TXLNA: variants seen among roughly 807,000 people sequenced by gnomAD.
TXLNA encodes the protein alpha-taxilin.
TXLNA carries 9 observed loss-of-function variants against 61.4 expected under a neutral mutation model. The observed-to-expected ratio is 0.15, with a 90% CI of 0.09 to 0.26. The LOEUF (loss-of-function observed/expected upper bound fraction) is 0.26, where lower values mean the gene tolerates loss of function less well. Ranked by LOEUF, TXLNA falls within the 10% of genes least tolerant of loss-of-function variation. The pLI is 1.00. For synonymous variants in TXLNA, 257 were observed against 267.7 expected, an observed-to-expected ratio of 0.96 and a Z score of 0.39; for missense variants, 565 against 688.8, an observed-to-expected ratio of 0.82 and a Z score of 2.01.
At position 32,181,384 on chromosome 1, in the gene TXLNA, G is replaced by A. The variant is rs1323580356; in HGVS notation, c.312G>A (p.Pro104=). 1 of 1,614,196 alleles carries A rather than the reference G, an allele frequency of 6.2e-7. No homozygotes were observed. The highest frequency in any genetic ancestry group is 8.5e-7 in the Non-Finnish European group (1 of 1,180,038). The part of the protein sequence containing the change: ...GPGEDGAQGE[P]AEPEDAEKSR... ...GCGAGGATGGGGCACAGGGTGAGCC[G>A]GCTGAACCCGAAGATGCAGAGAAGT... The change falls in exon 3 of 11, where the codon CCG becomes CCA. Residue 104 remains proline, a synonymous_variant. Coordinates refer to ENST00000373610, the MANE Select transcript of TXLNA (RefSeq NM_175852.4).
Position 32,184,595 on chromosome 1 carries a change from G to A in TXLNA, c.576G>A (p.Leu192=). 1 of 1,613,284 alleles carries A rather than the reference G, an allele frequency of 6.2e-7. No homozygotes were observed. The highest frequency in any genetic ancestry group is 8.5e-7 in the Non-Finnish European group (1 of 1,179,282). The change falls in exon 4 of 11, where the codon CTG becomes CTA. Residue 192 remains leucine (L), a synonymous_variant. Transcript: ENST00000373610. ...LSTPEEKLAA[L]CKKYAELLEE... is the part of the protein sequence containing the mutation. ...CCCCAGAGGAGAAGCTGGCTGCTCTGTGCAAGAAGTATGCTGAACTGGTCA... is the reference window on the plus strand; with the variant it reads ...CCCCAGAGGAGAAGCTGGCTGCTCTATGCAAGAAGTATGCTGAACTGGTCA...
Position 32,195,575 on chromosome 1 carries a change from C to G in TXLNA, c.*380C>G. 1 of 395,308 alleles carries G rather than the reference C, an allele frequency of 2.5e-6. No individual in the cohort carries two copies. The highest frequency in any genetic ancestry group is 4.9e-6 in the Non-Finnish European group (1 of 205,614). 24.5% of individuals were successfully genotyped at this position (395,308 alleles called of 1,614,324 possible). A position where few individuals can be genotyped will look rare whatever the true frequency, so the allele number is the denominator to read the frequency against. On this transcript the variant is annotated 3_prime_UTR_variant, in exon 11 of 11. Transcript: ENST00000373610. ...ATTTGAGGCTCAGACCCCTCCCTGC[C>G]CTTCAGAGCTCAAGACAAGTAATAC...
At position 32,192,824 on chromosome 1, in the gene TXLNA, G is replaced by A; in HGVS notation, c.1158+93G>A. 2 of 1,308,642 alleles carry A rather than the reference G, an allele frequency of 1.5e-6. No individual in the cohort carries two copies. The highest frequency in any genetic ancestry group is 1.8e-5 in the Admixed American group (1 of 56,838). The allele number at this position is 1,308,642 out of a possible 1,614,324, so 81.1% of individuals were successfully genotyped here. A position where few individuals can be genotyped will look rare whatever the true frequency, so the allele number is the denominator to read the frequency against. On this transcript the variant is annotated intron_variant, in intron 8 of 10. Transcript: ENST00000373610. This position sits in a 1 kb window ranked among gnomAD's most constrained non-coding sequence, Gnocchi z 4.2. ...AAATGGGACCCTCATTCTAGGACTG[G>A]CTGTGTCCTGGCTGCTATGACGCCT...
intron 4 of TXLNA, among the ~76,000 whole-genome samples, chr1:32,185,949 C>T (rs1642781334): frequency 6.6e-6 from 1 of 152,118 alleles, no homozygotes; most frequent in African/African-American, 2.4e-5. Flanking sequence ...CCGCCCGTCT[C>T]AGCCTCCCAA....
chr1:32,179,910 T>TGCCTCGCGGCTTGAGGGCGC (rs1642613109), intron 1 of TXLNA, 134 bp downstream of exon 1: 1 of 152,356 alleles, frequency 6.6e-6, no homozygotes, highest in African/African-American at 2.4e-5. Flanking sequence ...TGCGCGGGCG[T>TGCCTCGCGGCTTGAGGGCGC]GCCTCGCGGC....
chr1:32,194,196 G>A, intron 10 of TXLNA, 36 bp downstream of exon 10: 1 of 1,567,374 alleles, frequency 6.4e-7, no homozygotes, highest in Non-Finnish European at 8.8e-7. Context: ...GGGTGGGGGT[G>A]TGCACTTAGC....
chr1:32,182,919 C>A (rs1446678521), intron 3 of TXLNA, among the ~76,000 whole-genome samples: 1 of 149,564 alleles, frequency 6.7e-6, no homozygotes, highest in Non-Finnish European at 1.5e-5. Flanking sequence ...TACAAAAAAT[C>A]AGCCGGGCGT....
rs1204221858 is a variant in TXLNA, at chr1:32,191,168, C to G, written c.963+919C>G. Among the ~76,000 whole-genome samples, 3 of 151,076 alleles carry G rather than the reference C, an allele frequency of 2.0e-5. 1 individual carries two copies. Among genetic ancestry groups the G allele is most frequent in the Non-Finnish European group, 4.4e-5 (3 of 67,804 alleles). On this transcript the variant is annotated intron_variant, in intron 6 of 10. Transcript: ENST00000373610. ...TGGCTGCCACCCCAGGCACTTGAATCTTTGGATCTTCCCTGCCAGTCACCT... is the reference window on the plus strand; with the variant it reads ...TGGCTGCCACCCCAGGCACTTGAATGTTTGGATCTTCCCTGCCAGTCACCT...
Position 32,192,841 on chromosome 1 carries a change from A to C in TXLNA, c.1158+110A>C, listed in dbSNP as rs141759983. 8.7e-7 allele frequency: 1 copy of C among 1,145,254 alleles called. No individual in the cohort carries two copies. The highest frequency in any genetic ancestry group is 2.4e-5 in the East Asian group (1 of 41,684). 70.9% of individuals were successfully genotyped at this position (1,145,254 alleles called of 1,614,324 possible). On this transcript the variant is annotated intron_variant, in intron 8 of 10. Coordinates refer to ENST00000373610, the MANE Select transcript of TXLNA (RefSeq NM_175852.4). This position sits in a 1 kb window ranked among gnomAD's most constrained non-coding sequence, Gnocchi z 4.2. The stretch of plus-strand genomic sequence containing the variant: ...TAGGACTGGCTGTGTCCTGGCTGCT[A>C]TGACGCCTTGGTTGAGCCTTTGTTC...
intron 3 of TXLNA, 111 bp downstream of exon 3, chr1:32,181,688 A>G: frequency 9.4e-7 from 1 of 1,062,888 alleles, no homozygotes; most frequent in Non-Finnish European, 1.3e-6. Context: ...TACTTCTCAG[A>G]GCAGCAAGTC....
intron 10 of TXLNA, among the ~76,000 whole-genome samples, 161 bp from the exon 11 acceptor site, chr1:32,194,741 C>T (rs562508604): frequency 2.3e-4 from 35 of 152,122 alleles, no homozygotes; most frequent in Non-Finnish European, 4.4e-4. Flanking sequence ...TGCTGCCCCA[C>T]CTGACAGCCT....
intron 4 of TXLNA, among the ~76,000 whole-genome samples, chr1:32,185,354 C>CTGTG (rs1490017243): frequency 2.0e-4 from 30 of 150,920 alleles, no homozygotes; most frequent in Admixed American, 1.3e-3. Flanking sequence ...TGGTCACAGC[C>CTGTG]TGTGTATGTA....
chr1:32,184,103 G>A (rs1346515692), intron 3 of TXLNA, among the ~76,000 whole-genome samples: 1 of 152,216 alleles, frequency 6.6e-6, no homozygotes, highest in Admixed American at 6.5e-5. Context: ...TATTTCTCAA[G>A]GAGGCTAAGA....
intron 4 of TXLNA, among the ~76,000 whole-genome samples, chr1:32,185,094 G>A (rs769713001): frequency 1.3e-5 from 2 of 152,130 alleles, no homozygotes; most frequent in Non-Finnish European, 2.9e-5. Context: ...CATCTCTGTG[G>A]TATCATTTTA....
chr1:32,186,945 C>T (rs536935036), intron 4 of TXLNA, among the ~76,000 whole-genome samples: 14 of 152,350 alleles, frequency 9.2e-5, no homozygotes, highest in African/African-American at 3.1e-4. Flanking sequence ...GAGAGAGTGT[C>T]TCAGTCACCC....
chr1:32,180,168 A>G, intron 1 of TXLNA, 146 bp from the exon 2 acceptor site: 1 of 810,248 alleles, frequency 1.2e-6, no homozygotes, highest in African/African-American at 1.8e-5. Context: ...CTGACCCGCC[A>G]AGACCAGAGA....
chr1:32,190,341 C>G lies in TXLNA; in HGVS notation c.963+92C>G, dbSNP rs1642879102. On this transcript the variant is annotated intron_variant, in intron 6 of 10. Coordinates refer to ENST00000373610, the MANE Select transcript of TXLNA (RefSeq NM_175852.4). ...GGGACAGTACCTTTTCAGGCTTCAT[C>G]CCATTCTCCCTTTCTTCCTCCTCCT... 4.9e-6 allele frequency: 6 copies of G among 1,221,670 alleles called. No individual in the cohort carries two copies. The South Asian group carries it at 8.1e-5, about 17-fold the overall frequency. 75.7% of individuals were successfully genotyped at this position (1,221,670 alleles called of 1,614,324 possible).
At chr1:32,187,406 G>A (rs756303004) in intron 4 of TXLNA, among the ~76,000 whole-genome samples, 5 of 152,206 alleles carry the variant, frequency 3.3e-5, no homozygotes, top group Non-Finnish European at 7.3e-5. Context: ...CTGGGGAAAG[G>A]AGTGGGTTTG....
Position 32,195,187 on chromosome 1 carries a change from A to C in TXLNA, c.1633A>C (p.Arg545=). Residue 545 remains arginine, a synonymous_variant, in exon 11 of 11, where the codon AGG becomes CGG. Coordinates refer to ENST00000373610, the MANE Select transcript of TXLNA (RefSeq NM_175852.4). ...TGGGCCTCAAGAGCCCACCTCCGCC[A>C]GGGCCTAGAGAGCCTGGTGTTGGGT... ...QTGPQEPTSA[R]A The C allele has an allele frequency of 1.3e-6, 2 of 1,587,724 alleles. No individual in the cohort carries two copies. Among genetic ancestry groups the C allele is most frequent in the Non-Finnish European group, 1.7e-6 (2 of 1,168,332 alleles).
Sources: allele counts gnomAD v4.1 joint callset (sites outside exome capture counted in the v4.1 genomes callset), GRCh38; gene constraint gnomAD v4.1.1; non-coding constraint Gnocchi (gnomAD v3.1); transcripts MANE v1.5; gene names NCBI Gene and HGNC (gene_info 2026-07-23, HGNC 2026-07-21).